Variants in RIN2 observed in about 807,000 individuals in gnomAD.
RIN2 encodes the protein RAB5 interacting protein 2.
A neutral mutation model predicts 78.0 loss-of-function variants in RIN2; 36 were observed. The observed-to-expected ratio is 0.46, with a 90% confidence interval of 0.35 to 0.61. The LOEUF is 0.61. RIN2 is among the 20% of genes least tolerant of loss of function. The pLI, the probability that RIN2 is intolerant of heterozygous loss-of-function variation, is 0.00. For missense variants in RIN2, 1,087 were observed against 1,159.7 expected (o/e 0.94, Z 0.91); for synonymous variants, 466 against 466.8 (o/e 1.00, Z 0.02).
At chr20:19,796,540 C>T (rs12481515) in intron 1 of RIN2, among the ~76,000 whole-genome samples, 36,395 of 152,112 alleles carry the variant, frequency 0.24, 5,352 homozygotes, top group African/African-American at 0.42. Flanking sequence ...GTTTTGTATG[C>T]ATATGCCTGG....
In RIN2 at chr20:20,000,999, T is replaced by C; in HGVS notation, c.*63T>C. The C allele has an allele frequency of 7.0e-7, 1 of 1,434,576 alleles. No homozygotes were observed. The highest frequency in any genetic ancestry group is 1.9e-5 in the Admixed American group (1 of 52,642). 88.9% of individuals were successfully genotyped at this position (1,434,576 alleles called of 1,614,324 possible). ...GAGCTGGAAGCCTTGCCTTCCCGCT[T>C]CTACATGCTTGAGCTTGAAAAGCAG... On this transcript the variant is annotated 3_prime_UTR_variant, in exon 13 of 13. Coordinates refer to ENST00000255006, the MANE Select transcript of RIN2 (RefSeq NM_018993.4).
intron 2 of RIN2, among the ~76,000 whole-genome samples, chr20:19,812,401 AG>A (rs1253169187): frequency 3.3e-5 from 5 of 151,354 alleles, no homozygotes; most frequent in Non-Finnish European, 7.4e-5. Context: ...TTTCTATTTC[AG>A]CCATTCTGAT....
intron 1 of RIN2, among the ~76,000 whole-genome samples, chr20:19,794,952 T>C (rs781446900): frequency 2.6e-5 from 4 of 152,224 alleles, no homozygotes; most frequent in East Asian, 1.9e-4. Flanking sequence ...GTAGAAACAC[T>C]TCAGTTGTCT....
chr20:19,925,005 C>T (rs2040168169), intron 3 of RIN2, among the ~76,000 whole-genome samples: 1 of 151,066 alleles, frequency 6.6e-6, no homozygotes. Context: ...TCCCAAAGTG[C>T]TGGGATTACA....
chr20:19,859,566 G>C (rs2037270745), intron 2 of RIN2, among the ~76,000 whole-genome samples: 1 of 152,056 alleles, frequency 6.6e-6, no homozygotes, highest in African/African-American at 2.4e-5. Context: ...TAGTCACAAG[G>C]TCTTGAAATA....
intron 2 of RIN2, among the ~76,000 whole-genome samples, chr20:19,812,539 G>A (rs1280101863): frequency 6.6e-6 from 1 of 152,080 alleles, no homozygotes; most frequent in Non-Finnish European, 1.5e-5. Flanking sequence ...CAAATCTTTT[G>A]CTTATTTTGT....
At position 19,990,146 on chromosome 20, in the gene RIN2, A is replaced by G. The variant is rs1300766194; in HGVS notation, c.1903A>G (p.Asn635Asp). 1 of 1,603,002 alleles carries G rather than the reference A, an allele frequency of 6.2e-7. No individual in the cohort carries two copies. The highest frequency in any genetic ancestry group is 8.5e-7 in the Non-Finnish European group (1 of 1,174,978). Residue 635 changes from asparagine (N) to aspartate (D), a missense_variant, in exon 10 of 13, where the codon AAT becomes GAT. Transcript: ENST00000255006. ...KENLQLVRQR[N>D]PQELGVFAPT... ...GAACCTGCAGCTTGTGCGGCAGAGG[A>G]ATCCGCAGGAGCTGGGGGTCTTCGC...
chr20:19,881,673 C>T (rs980493368), intron 2 of RIN2, among the ~76,000 whole-genome samples: 8 of 152,162 alleles, frequency 5.3e-5, no homozygotes, highest in African/African-American at 1.9e-4. Flanking sequence ...ATCTCCTGGA[C>T]TCAAGAGATC....
intron 9 of RIN2, among the ~76,000 whole-genome samples, chr20:19,989,705 A>G (rs551956350): frequency 6.6e-6 from 1 of 152,348 alleles, no homozygotes; most frequent in South Asian, 2.1e-4. Context: ...CTTCTAGCAT[A>G]TTTGCCTGTA....
chr20:19,924,208 A>C (rs529872382), intron 3 of RIN2, among the ~76,000 whole-genome samples: 1 of 11,232 alleles, frequency 8.9e-5, no homozygotes, highest in African/African-American at 6.5e-4. Context: ...TCATACCCCC[A>C]ACTTTCATAC....
Position 19,947,110 on chromosome 20 carries a change from C to A in RIN2, c.159-9505C>A, listed in dbSNP as rs539693779. 5.9e-5 allele frequency among the ~76,000 whole-genome samples: 9 copies of A among 152,002 alleles called. No individual in the cohort carries two copies. In the South Asian group the frequency reaches 1.7e-3, roughly 28 times the overall value. ...TATAACCATTAAAATAAGTAATGGCCATTAAAATTAAAACCATGCCTCCAT... is the reference window on the plus strand; with the variant it reads ...TATAACCATTAAAATAAGTAATGGCAATTAAAATTAAAACCATGCCTCCAT... On this transcript the variant is annotated intron_variant, in intron 4 of 12. Coordinates refer to ENST00000255006, the MANE Select transcript of RIN2 (RefSeq NM_018993.4).
Position 19,939,850 on chromosome 20 carries a change from CTT to C in RIN2, c.158+4664_158+4665del, listed in dbSNP as rs11477693. Among the ~76,000 whole-genome samples the C allele has an allele frequency of 4.5e-4, 65 of 145,148 alleles. 1 individual carries two copies. The highest frequency in any genetic ancestry group is 1.5e-3 in the South Asian group (7 of 4,598). On this transcript the variant is annotated intron_variant, in intron 4 of 12. Transcript: ENST00000255006. Reference sequence around the variant, plus strand: ...TTCACTTGCTTCCTGTCCATTCTTTCTTTTTTTTTTTTTTCTTGGAAACAGAC... The same window carrying C: ...TTCACTTGCTTCCTGTCCATTCTTTCTTTTTTTTTTTTCTTGGAAACAGAC...
At chr20:19,945,679 TATC>T (rs1370727248) in intron 4 of RIN2, among the ~76,000 whole-genome samples, 1 of 152,176 alleles carries the variant, frequency 6.6e-6, no homozygotes, top group Non-Finnish European at 1.5e-5. Flanking sequence ...TTATCTTTCT[TATC>T]ATTTTTTTTT....
chr20:19,962,818 G>A (rs899287203), intron 6 of RIN2, among the ~76,000 whole-genome samples: 4 of 152,212 alleles, frequency 2.6e-5, no homozygotes, highest in Non-Finnish European at 4.4e-5. Context: ...TTAGCCAGGT[G>A]TGGTGGCGCA....
intron 1 of RIN2, among the ~76,000 whole-genome samples, chr20:19,769,088 A>G (rs1433175062): frequency 2.0e-5 from 3 of 152,020 alleles, no homozygotes; most frequent in Non-Finnish European, 4.4e-5. Flanking sequence ...CGCCCAGCTA[A>G]TTTTTGTGTT....
chr20:19,849,644 C>A (rs1675675657), intron 2 of RIN2, among the ~76,000 whole-genome samples: 2 of 152,082 alleles, frequency 1.3e-5, no homozygotes, highest in Admixed American at 1.3e-4. Flanking sequence ...CTACTGGGAC[C>A]CATAATTGCT....
At chr20:19,896,487 T>C (rs1381195027) in intron 3 of RIN2, among the ~76,000 whole-genome samples, 2 of 152,220 alleles carry the variant, frequency 1.3e-5, no homozygotes, top group African/African-American at 4.8e-5. Context: ...TAGAGATGAA[T>C]GTTGCCCCCT....
chr20:19,803,432 A>G (rs1273608859), intron 2 of RIN2, among the ~76,000 whole-genome samples: 1 of 152,244 alleles, frequency 6.6e-6, no homozygotes, highest in Non-Finnish European at 1.5e-5. Context: ...CTCAGAAATA[A>G]GACCACACAT....
intron 1 of RIN2, among the ~76,000 whole-genome samples, chr20:19,777,612 G>A (rs1342379666): frequency 2.6e-5 from 4 of 152,258 alleles, no homozygotes; most frequent in Non-Finnish European, 5.9e-5. Flanking sequence ...TTTCTGCAGA[G>A]CAGAGATGTT....
Sources: gnomAD v4.1 joint callset for allele counts (sites outside exome capture counted in the v4.1 genomes callset) on GRCh38, gnomAD v4.1.1 for gene constraint, MANE v1.5 for transcripts, NCBI Gene and HGNC (gene_info 2026-07-23, HGNC 2026-07-21) for gene names.